The following FANK1 variants were observed in gnomAD, a reference collection of about 807,000 sequenced individuals.
FANK1 encodes fibronectin type III and ankyrin repeat domains 1.
FANK1 carries 44 observed loss-of-function variants against 45.3 expected under a neutral mutation model. The observed-to-expected ratio is 0.97, with a 90% CI of 0.76 to 1.25. The LOEUF (loss-of-function observed/expected upper bound fraction) is 1.25. FANK1 is among the 50% of genes most tolerant of loss of function. The pLI is 0.00. For missense variants in FANK1, 391 were observed against 424.4 expected (o/e 0.92, Z 0.69); for synonymous variants, 149 against 152.5 (o/e 0.98, Z 0.17).
At chr10:125,904,431 T>A (rs1249600742) in intron 1 of FANK1, among the ~76,000 whole-genome samples, 1 of 151,976 alleles carries the variant, frequency 6.6e-6, no homozygotes, top group Admixed American at 6.6e-5. Context: ...ACACCAACAT[T>A]ACAGATTTTT....
chr10:125,955,386 G>GGA (rs1334364507), intron 1 of FANK1, among the ~76,000 whole-genome samples: 1 of 152,024 alleles, frequency 6.6e-6, no homozygotes, highest in East Asian at 1.9e-4. Context: ...AGTTTGCTGA[G>GGA]GATAATGGCT....
Position 125,983,936 on chromosome 10 carries a change from A to AAGCTTT in FANK1, c.191+3599_191+3604dup, listed in dbSNP as rs987480925. ...CAAGCAGCAGGGAGGACTGATGAAG[A>AAGCTTT]AGCTTTTGAAACAGTTTAGGTGGGA... On this transcript the variant is annotated intron_variant, in intron 2 of 10. Transcript: ENST00000368693. This position sits in a 1 kb window ranked among gnomAD's most constrained non-coding sequence, Gnocchi z 4.3. Among the ~76,000 whole-genome samples, 3 of 152,186 alleles carry AAGCTTT rather than the reference A, an allele frequency of 2.0e-5. No individual in the cohort carries two copies. Among genetic ancestry groups the AAGCTTT allele is most frequent in the Admixed American group, 6.5e-5 (1 of 15,280 alleles).
chr10:125,931,072 T>C (rs1014309340), intron 1 of FANK1, among the ~76,000 whole-genome samples: 1 of 152,248 alleles, frequency 6.6e-6, no homozygotes, highest in Admixed American at 6.5e-5. Context: ...CCGAGTAATA[T>C]GCCGTAGCAT....
At chr10:125,928,509 A>G (rs1947532830) in intron 1 of FANK1, among the ~76,000 whole-genome samples, 1 of 152,182 alleles carries the variant, frequency 6.6e-6, no homozygotes, top group Middle Eastern at 3.2e-3. Context: ...ATTTCATCCT[A>G]TAACTCTCTG....
chr10:125,944,169 C>G (rs948431512), intron 1 of FANK1, among the ~76,000 whole-genome samples: 3 of 152,148 alleles, frequency 2.0e-5, no homozygotes, highest in Admixed American at 2.0e-4. Context: ...GAGTAGCACA[C>G]GATAATGGCA....
chr10:125,992,739 A>G (rs926425604), intron 3 of FANK1, among the ~76,000 whole-genome samples: 1 of 151,692 alleles, frequency 6.6e-6, no homozygotes, highest in Non-Finnish European at 1.5e-5. Context: ...CTTTCTGTTC[A>G]GGTAAGATGG....
rs140350699 is a variant in FANK1, at chr10:126,005,554, C to T, written c.705+505C>T. ...AACTCCTGACCTTAAGTGATCCACC[C>T]ACCTCAGCCTCCCAAAGTGCTGGGA... On this transcript the variant is annotated intron_variant, in intron 7 of 10. Coordinates refer to ENST00000368693, the MANE Select transcript of FANK1 (RefSeq NM_145235.5). Among the ~76,000 whole-genome samples, 1,117 of 152,170 alleles carry T rather than the reference C, an allele frequency of 7.3e-3. 83 individuals are homozygous for T. In the East Asian group the frequency reaches 0.19, roughly 25 times the overall value.
At chr10:125,901,891 C>T (rs1475768055) in intron 1 of FANK1, among the ~76,000 whole-genome samples, 3 of 152,234 alleles carry the variant, frequency 2.0e-5, no homozygotes, top group Non-Finnish European at 2.9e-5. Flanking sequence ...GAGGCCAAGG[C>T]GGGCGGATCA....
intron 1 of FANK1, among the ~76,000 whole-genome samples, chr10:125,924,672 G>C (rs113529600): frequency 8.1e-6 from 1 of 124,178 alleles, no homozygotes; most frequent in Non-Finnish European, 1.8e-5. Flanking sequence ...AGCCTGGCGT[G>C]GTGGTGTGAG....
At chr10:125,998,557 A>G (rs985974319) in intron 6 of FANK1, among the ~76,000 whole-genome samples, 2 of 152,162 alleles carry the variant, frequency 1.3e-5, no homozygotes, top group African/African-American at 4.8e-5. Flanking sequence ...AAAAATAGAA[A>G]GGTTATTGAG....
intron 1 of FANK1, among the ~76,000 whole-genome samples, chr10:125,898,494 C>T (rs1177011816): frequency 1.3e-5 from 2 of 152,072 alleles, no homozygotes; most frequent in Non-Finnish European, 2.9e-5. Context: ...TGCAGAATGA[C>T]CCAGCAAAGA....
intron 2 of FANK1, among the ~76,000 whole-genome samples, chr10:125,985,697 A>G (rs1951509918): frequency 6.6e-6 from 1 of 152,152 alleles, no homozygotes; most frequent in Non-Finnish European, 1.5e-5. Context: ...AGAAACAGGC[A>G]TGTGTTTGCT....
intron 1 of FANK1, among the ~76,000 whole-genome samples, chr10:125,918,585 AATATATATATAT>A (rs1197525883): frequency 1.4e-5 from 1 of 70,976 alleles, no homozygotes; most frequent in African/African-American, 7.9e-5. Flanking sequence ...AAAAAAAAAA[AATATATATATAT>A]ATATATATAT....
chr10:125,973,686 C>A (rs569645178), intron 1 of FANK1: 1 of 153,736 alleles, frequency 6.5e-6, no homozygotes, highest in Non-Finnish European at 1.4e-5. Context: ...ACTCAATGTA[C>A]CATTTGGTTT....
At chr10:126,006,308 A>G (rs1953193915) in intron 7 of FANK1, among the ~76,000 whole-genome samples, 1 of 152,230 alleles carries the variant, frequency 6.6e-6, no homozygotes, top group East Asian at 1.9e-4. Context: ...CTTTTGGAGA[A>G]TTAAGAAAAG....
intron 1 of FANK1, among the ~76,000 whole-genome samples, chr10:125,923,532 G>A (rs1947098682): frequency 6.6e-6 from 1 of 151,412 alleles, no homozygotes; most frequent in East Asian, 2.0e-4. Context: ...TTTACATTAT[G>A]AATTTGTTTA....
chr10:125,953,125 G>C (rs1379006166), intron 1 of FANK1, among the ~76,000 whole-genome samples: 1 of 152,188 alleles, frequency 6.6e-6, no homozygotes, highest in African/African-American at 2.4e-5. Context: ...AGTAGGACTG[G>C]TGTCAGAACT....
intron 6 of FANK1, among the ~76,000 whole-genome samples, chr10:126,001,154 AAGGG>A (rs1952726959): frequency 1.3e-5 from 2 of 152,236 alleles, no homozygotes; most frequent in South Asian, 4.1e-4. Flanking sequence ...TACGATTAGT[AAGGG>A]TGTTTGTTGT....
intron 1 of FANK1, among the ~76,000 whole-genome samples, chr10:125,913,495 C>T (rs369360513): frequency 4.7e-4 from 72 of 152,332 alleles, no homozygotes; most frequent in African/African-American, 1.7e-3. Flanking sequence ...TTACAGATAA[C>T]TTCAGTGTGA....
Sources: gnomAD v4.1 joint callset for allele counts (sites outside exome capture counted in the v4.1 genomes callset) on GRCh38, gnomAD v4.1.1 for gene constraint, Gnocchi (gnomAD v3.1) non-coding constraint, MANE v1.5 for transcripts, NCBI Gene and HGNC (gene_info 2026-07-23, HGNC 2026-07-21) for gene names.